EPHB1: variants seen among roughly 807,000 people sequenced by gnomAD.
EPHB1 encodes ephrin type-B receptor 1.
In EPHB1, 30 loss-of-function variants were observed where a neutral mutation model predicts 94.4. The observed-to-expected ratio is 0.32, with a 90% confidence interval of 0.24 to 0.43. The LOEUF (loss-of-function observed/expected upper bound fraction) is 0.43, where lower values mean the gene tolerates loss of function less well. Among genes scored for constraint, EPHB1 ranks in the 20% least tolerant of loss-of-function variants. The pLI is 1.00. For synonymous variants in EPHB1, 522 were observed against 489.1 expected (o/e 1.07, Z -0.89); for missense variants, 1,055 against 1,308.3 (o/e 0.81, Z 2.99).
chr3:135,176,178 G>A (rs1941973122), intron 9 of EPHB1, among the ~76,000 whole-genome samples: 1 of 152,138 alleles, frequency 6.6e-6, no homozygotes, highest in Non-Finnish European at 1.5e-5. Context: ...GCTCAACCAA[G>A]TCACTCTCCT....
chr3:134,917,783 T>C (rs2038603994), intron 1 of EPHB1, among the ~76,000 whole-genome samples: 1 of 152,216 alleles, frequency 6.6e-6, no homozygotes, highest in South Asian at 2.1e-4. Flanking sequence ...TGACCACACA[T>C]CAACCAGTGG....
At chr3:134,999,261 G>A (rs990255191) in intron 3 of EPHB1, among the ~76,000 whole-genome samples, 6 of 152,128 alleles carry the variant, frequency 3.9e-5, no homozygotes, top group African/African-American at 1.4e-4. Context: ...ATGCCGGAAG[G>A]TTTTTTGAGT....
chr3:135,252,211 T>C (rs1224814865), intron 15 of EPHB1, among the ~76,000 whole-genome samples: 1 of 151,036 alleles, frequency 6.6e-6, no homozygotes, highest in Non-Finnish European at 1.5e-5. Context: ...TTTAATATTT[T>C]TTATTTATTT....
At chr3:134,999,789 G>A (rs1165182708) in intron 3 of EPHB1, among the ~76,000 whole-genome samples, 2 of 152,228 alleles carry the variant, frequency 1.3e-5, no homozygotes, top group Non-Finnish European at 2.9e-5. Context: ...CTTGCCTCAG[G>A]TGGCCTTGTG....
At chr3:134,891,627 A>C (rs1365618668) in intron 1 of EPHB1, among the ~76,000 whole-genome samples, 3 of 152,238 alleles carry the variant, frequency 2.0e-5, no homozygotes, top group Non-Finnish European at 4.4e-5. Flanking sequence ...GGTTAATTAT[A>C]TAATAGATTC....
At chr3:135,132,276 A>C (rs1482573008) in intron 4 of EPHB1, among the ~76,000 whole-genome samples, 1 of 152,186 alleles carries the variant, frequency 6.6e-6, no homozygotes, top group Non-Finnish European at 1.5e-5. Context: ...GAATTTCAGA[A>C]TATGTTAGGG....
chr3:134,874,680 A>T (rs539262910), intron 1 of EPHB1, among the ~76,000 whole-genome samples: 2 of 152,288 alleles, frequency 1.3e-5, no homozygotes, highest in East Asian at 3.9e-4. Context: ...AGACTCCTGC[A>T]TTGACAACCT....
intron 3 of EPHB1, among the ~76,000 whole-genome samples, chr3:134,992,999 C>G (rs1934866455): frequency 6.6e-6 from 1 of 152,240 alleles, no homozygotes; most frequent in Non-Finnish European, 1.5e-5. Context: ...CCTGGCCCAT[C>G]CTCATGTGTC....
At chr3:135,062,803 A>T (rs1488488370) in intron 3 of EPHB1, among the ~76,000 whole-genome samples, 2 of 152,026 alleles carry the variant, frequency 1.3e-5, no homozygotes, top group Non-Finnish European at 2.9e-5. Context: ...ATCTTCCAGG[A>T]TTTTTATAGT....
chr3:135,210,695 G>C (rs540789110), intron 12 of EPHB1, among the ~76,000 whole-genome samples: 52 of 152,326 alleles, frequency 3.4e-4, no homozygotes, highest in Middle Eastern at 3.4e-3. Context: ...GCGTGCTATT[G>C]CAGCGGCAGC....
chr3:134,851,518 C>T (rs1419322003), intron 1 of EPHB1, among the ~76,000 whole-genome samples: 2 of 152,120 alleles, frequency 1.3e-5, no homozygotes, highest in Non-Finnish European at 2.9e-5. Flanking sequence ...CCCGTATGCA[C>T]TTTGGACTTT....
At chr3:134,838,882 A>G (rs533176715) in intron 1 of EPHB1, among the ~76,000 whole-genome samples, 219 of 152,324 alleles carry the variant, frequency 1.4e-3, no homozygotes, top group African/African-American at 4.9e-3. Flanking sequence ...ATGGAGGCAA[A>G]CCTTCTACCC....
intron 1 of EPHB1, among the ~76,000 whole-genome samples, chr3:134,899,752 G>A (rs2038162130): frequency 6.6e-6 from 1 of 152,192 alleles, no homozygotes; most frequent in Non-Finnish European, 1.5e-5. Flanking sequence ...ATAGCTCACT[G>A]CAGCCTTGAA....
chr3:134,898,738 C>T (rs926237428), intron 1 of EPHB1, among the ~76,000 whole-genome samples: 9 of 152,308 alleles, frequency 5.9e-5, no homozygotes, highest in East Asian at 1.9e-4. Context: ...TGTGTCATTT[C>T]GTTTTCAAGC....
At chr3:135,134,530 A>G (rs746542379) in intron 5 of EPHB1, among the ~76,000 whole-genome samples, 57 of 152,070 alleles carry the variant, frequency 3.7e-4, no homozygotes, top group Non-Finnish European at 6.8e-4. Flanking sequence ...ATGTATGTGT[A>G]TGGTCACGTG....
At chr3:135,129,150 A>G (rs900805889) in intron 4 of EPHB1, among the ~76,000 whole-genome samples, 2 of 151,480 alleles carry the variant, frequency 1.3e-5, no homozygotes, top group Non-Finnish European at 2.9e-5. Context: ...TGGCTGCTTT[A>G]TATGAAGACG....
intron 4 of EPHB1, among the ~76,000 whole-genome samples, chr3:135,111,471 G>A (rs1263432486): frequency 6.6e-6 from 1 of 152,130 alleles, no homozygotes; most frequent in African/African-American, 2.4e-5. Context: ...TGGAACCACA[G>A]GGCCTTCCCC....
At chr3:134,831,612 C>T (rs2036582693) in intron 1 of EPHB1, among the ~76,000 whole-genome samples, 1 of 152,218 alleles carries the variant, frequency 6.6e-6, no homozygotes, top group Non-Finnish European at 1.5e-5. Flanking sequence ...AAGACCTTTT[C>T]TCCACTTTGG....
At chr3:135,026,888 C>A (rs1326311114) in intron 3 of EPHB1, among the ~76,000 whole-genome samples, 7 of 132,048 alleles carry the variant, frequency 5.3e-5, no homozygotes, top group Non-Finnish European at 8.1e-5. Context: ...CTTTTATTTC[C>A]TTGAGCAGTG....
Sources: allele counts gnomAD v4.1 joint callset (sites outside exome capture counted in the v4.1 genomes callset), GRCh38; gene constraint gnomAD v4.1.1; transcripts MANE v1.5; gene names NCBI Gene and HGNC (gene_info 2026-07-23, HGNC 2026-07-21).